Variants in PMFBP1 observed in about 807,000 individuals in gnomAD.
The protein encoded by PMFBP1 is polyamine-modulated factor 1-binding protein 1.
In PMFBP1, 131 loss-of-function variants were observed where a neutral mutation model predicts 137.8. The ratio of observed to expected loss-of-function variants is 0.95; its 90% CI spans 0.82 to 1.10. The LOEUF is 1.10. Ranked by LOEUF, PMFBP1 falls within the 50% of genes least tolerant of loss-of-function variation. The pLI is 0.00. For synonymous variants in PMFBP1, 490 were observed against 450.4 expected (o/e 1.09, Z -1.11); for missense variants, 1,199 against 1,175.4 (o/e 1.02, Z -0.29).
chr16:72,189,388 C>T, the PMFBP1 span, among the ~76,000 whole-genome samples: 5 of 152,188 alleles, frequency 3.3e-5, no homozygotes, highest in East Asian at 9.6e-4. Context: ...TGATGTGTGA[C>T]CACGTGTGGC....
chr16:72,132,935 A>C lies in PMFBP1; in HGVS notation c.1260T>G (p.Val420=), dbSNP rs1405965234. The change falls in exon 10 of 21, where the codon GTT becomes GTG. Residue 420 remains valine (V), a synonymous_variant. Coordinates refer to ENST00000237353, the MANE Select transcript of PMFBP1 (RefSeq NM_031293.3). ...LQELEKKLTQ[V]QNSLLKKEKE... is the part of the protein sequence containing the mutation. The stretch of plus-strand genomic sequence containing the variant: ...TCTCCTTTTTCAGGAGGCTGTTCTG[A>C]ACCTGTGTCAGTTTCTTCTCCAGCT... 1 of 1,613,990 alleles carries C rather than the reference A, an allele frequency of 6.2e-7. No individual in the cohort carries two copies. The highest frequency in any genetic ancestry group is 8.5e-7 in the Non-Finnish European group (1 of 1,180,026).
At chr16:72,211,978 G>A in the PMFBP1 span, among the ~76,000 whole-genome samples, 2 of 152,170 alleles carry the variant, frequency 1.3e-5, no homozygotes, top group Non-Finnish European at 2.9e-5. Context: ...GTCTGGGCAA[G>A]ATAGTGAGAC....
At chr16:72,248,364 G>A in the PMFBP1 span, among the ~76,000 whole-genome samples, 3 of 152,054 alleles carry the variant, frequency 2.0e-5, no homozygotes, top group South Asian at 2.1e-4. Flanking sequence ...ACCAGCTGTC[G>A]CTTAAACTTA....
In PMFBP1 at chr16:72,124,949, A is replaced by G. The variant is rs1456014751; in HGVS notation, c.2422-15T>C. 14 of 1,611,418 alleles carry G rather than the reference A, an allele frequency of 8.7e-6. No individual in the cohort carries two copies. The highest frequency in any genetic ancestry group is 1.2e-5 in the Non-Finnish European group (14 of 1,178,084). On this transcript the variant is annotated splice_polypyrimidine_tract_variant and intron_variant, in intron 16 of 20. Coordinates refer to ENST00000237353, the MANE Select transcript of PMFBP1 (RefSeq NM_031293.3). ...AAGGCGTGCACCTACTCAGGAGAGC[A>G]AAGTGAGGAGGGGGACTCCAGCTGG... is the stretch of plus-strand genomic sequence containing the variant.
At chr16:72,204,640 G>A in the PMFBP1 span, among the ~76,000 whole-genome samples, 11 of 152,158 alleles carry the variant, frequency 7.2e-5, no homozygotes, top group Non-Finnish European at 1.3e-4. Context: ...ATTCCTGAAC[G>A]AATGAATGAG....
rs1490582046 is a variant in PMFBP1 at position 72,150,419 on chromosome 16, T to C, written c.636+189A>G. Among the ~76,000 whole-genome samples, 3 of 152,144 alleles carry C rather than the reference T, an allele frequency of 2.0e-5. No individual in the cohort carries two copies. In the East Asian group the frequency reaches 5.8e-4, roughly 29 times the overall value. ...TATGTTAATTAAAGAGCCTCAAAAT[T>C]GTGAAGAAGTGATCTTATAGGATAT... On this transcript the variant is annotated intron_variant, in intron 5 of 20. Coordinates refer to ENST00000237353, the MANE Select transcript of PMFBP1 (RefSeq NM_031293.3).
upstream of PMFBP1, among the ~76,000 whole-genome samples, chr16:72,176,033 A>G (rs931886581): frequency 6.6e-6 from 1 of 152,208 alleles, no homozygotes. Flanking sequence ...AGTGCAGAGC[A>G]TAACTGGTAG....
At chr16:72,193,884 C>T in the PMFBP1 span, among the ~76,000 whole-genome samples, 1 of 152,080 alleles carries the variant, frequency 6.6e-6, no homozygotes, top group Non-Finnish European at 1.5e-5. Context: ...CCCAAGTTTT[C>T]CACAGGGCGG....
chr16:72,140,519 C>A lies in PMFBP1; in HGVS notation c.700G>T (p.Glu234Ter). The change falls in exon 6 of 21, where the codon GAG (glutamate) becomes TAG (stop). Residue 234 changes from glutamate (E) to a stop codon, truncating the protein, a stop_gained. Transcript: ENST00000237353. LOFTEE classifies it high-confidence loss of function. ...AGTCGTTTCTGAGTCTCCTGATGCT[C>A]TTGAATCATGCAAGGAGAAGTGTAT... The part of the protein sequence containing the change: ...RIYTSPCMIQ[E>*]HQETQKRLSE... 3 of 1,613,278 alleles carry A rather than the reference C, an allele frequency of 1.9e-6. No individual in the cohort carries two copies. Among genetic ancestry groups the A allele is most frequent in the Non-Finnish European group, 2.5e-6 (3 of 1,179,232 alleles).
At chr16:72,206,355 T>C in the PMFBP1 span, among the ~76,000 whole-genome samples, 1 of 152,300 alleles carries the variant, frequency 6.6e-6, no homozygotes, top group African/African-American at 2.4e-5. Flanking sequence ...TTTACAACTT[T>C]TGTAGGTGAG....
chr16:72,154,154 C>T (rs2042946739), intron 4 of PMFBP1, 57 bp downstream of exon 4: 1 of 1,588,514 alleles, frequency 6.3e-7, no homozygotes, highest in Non-Finnish European at 8.6e-7. Flanking sequence ...TGGGCTTGGT[C>T]TGATTTCTGC....
At chr16:72,177,863 C>T (rs1328939245), upstream of PMFBP1, among the ~76,000 whole-genome samples, 1 of 152,096 alleles carries the variant, frequency 6.6e-6, no homozygotes, top group Admixed American at 6.5e-5. Flanking sequence ...AAAGTTAATT[C>T]ATAGAATGCC....
At chr16:72,125,057 GC>G in intron 16 of PMFBP1, 123 bp from the exon 17 acceptor site, 1 of 1,381,232 alleles carries the variant, frequency 7.2e-7, no homozygotes. Flanking sequence ...CTTCTCAGTG[GC>G]CAGCAGAGGG....
At chr16:72,167,316 G>A (rs148872951) in intron 2 of PMFBP1, among the ~76,000 whole-genome samples, 5 of 151,926 alleles carry the variant, frequency 3.3e-5, no homozygotes, top group African/African-American at 9.7e-5. Flanking sequence ...CCACTTTACA[G>A]TTTAATTAGG....
intron 9 of PMFBP1, among the ~76,000 whole-genome samples, chr16:72,133,738 T>C (rs945122940): frequency 6.6e-6 from 1 of 152,030 alleles, no homozygotes; most frequent in African/African-American, 2.4e-5. Flanking sequence ...CTTTAAGTAA[T>C]AATTGGTCAC....
rs1419638729 is a variant in PMFBP1 at position 72,129,066 on chromosome 16, C to T, written c.1950G>A (p.Thr650=). 5.0e-6 allele frequency: 8 copies of T among 1,613,144 alleles called. No individual in the cohort carries two copies. Among genetic ancestry groups the T allele is most frequent in the African/African-American group, 1.3e-5 (1 of 74,822 alleles). Reference sequence around the variant, plus strand: ...GCTCTCCTGGGATTCTCCCACTCACCGTCTTGTCTTTCTTTTTAAATTCCT... The same window carrying T: ...GCTCTCCTGGGATTCTCCCACTCACTGTCTTGTCTTTCTTTTTAAATTCCT... ...LRQEFKKKDK[T]LKENSRKLEE... The change falls in exon 13 of 21, where the codon ACG becomes ACA. Residue 650 remains threonine (T), a splice_region_variant and synonymous_variant. Coordinates refer to ENST00000237353, the MANE Select transcript of PMFBP1 (RefSeq NM_031293.3).
chr16:72,158,633 A>G (rs2043016749), intron 3 of PMFBP1, among the ~76,000 whole-genome samples: 1 of 152,160 alleles, frequency 6.6e-6, no homozygotes, highest in African/African-American at 2.4e-5. Context: ...GACAGAATTA[A>G]TGCAAAGGAG....
intron 2 of PMFBP1, among the ~76,000 whole-genome samples, chr16:72,168,637 A>G (rs1005641205): frequency 6.6e-6 from 1 of 152,198 alleles, no homozygotes; most frequent in Non-Finnish European, 1.5e-5. Flanking sequence ...GTCATTAACA[A>G]TGGCTGAAAT....
At chr16:72,159,836 C>T (rs745828848) in intron 3 of PMFBP1, among the ~76,000 whole-genome samples, 17 of 150,622 alleles carry the variant, frequency 1.1e-4, no homozygotes, top group Non-Finnish European at 2.1e-4. Context: ...AATGAAGACA[C>T]AGATATTTTA....
Sources: allele counts gnomAD v4.1 joint callset (sites outside exome capture counted in the v4.1 genomes callset), GRCh38; gene constraint gnomAD v4.1.1; transcripts MANE v1.5; gene names NCBI Gene and HGNC (gene_info 2026-07-23, HGNC 2026-07-21).